ANK2: variants seen among roughly 807,000 people sequenced by gnomAD.
ANK2 encodes ankyrin-2.
In ANK2, 83 loss-of-function variants were observed where a neutral mutation model predicts 360.5. The observed-to-expected ratio is 0.23, with a 90% CI of 0.19 to 0.28. The LOEUF is 0.28. Among genes scored for constraint, ANK2 ranks in the 10% least tolerant of loss-of-function variants. The pLI, the probability that ANK2 is intolerant of heterozygous loss-of-function variation, is 1.00. For synonymous variants in ANK2, 1,740 were observed against 1,759.5 expected, an observed-to-expected ratio of 0.99 and a Z score of 0.28; for missense variants, 4,201 against 4,795.7, an observed-to-expected ratio of 0.88 and a Z score of 3.66.
At chr4:113,262,392 A>AATTTATTT (rs1361288094) in intron 13 of ANK2, among the ~76,000 whole-genome samples, 10 of 151,926 alleles carry the variant, frequency 6.6e-5, no homozygotes, top group African/African-American at 2.4e-4. Context: ...ATGCCTGGCT[A>AATTTATTT]ATTTATTTAT....
intron 2 of ANK2, among the ~76,000 whole-genome samples, chr4:113,177,671 C>A (rs556957260): frequency 1.3e-5 from 2 of 152,246 alleles, no homozygotes; most frequent in South Asian, 4.2e-4. Context: ...TATTTATAGA[C>A]CATCTTAGCT....
chr4:112,826,064 T>C (rs1277758313), intron 1 of ANK2, among the ~76,000 whole-genome samples: 1 of 152,202 alleles, frequency 6.6e-6, no homozygotes, highest in East Asian at 1.9e-4. Context: ...AAGTGCCATA[T>C]TTTGGGGTAG....
At chr4:112,885,496 CAA>C (rs11429383) in intron 1 of ANK2, among the ~76,000 whole-genome samples, 24 of 122,980 alleles carry the variant, frequency 2.0e-4, no homozygotes, top group Non-Finnish European at 2.4e-4. Context: ...AAGACTCCAT[CAA>C]AAAAAAAAAA....
At chr4:112,891,463 G>A (rs757276650) in intron 1 of ANK2, among the ~76,000 whole-genome samples, 2 of 152,022 alleles carry the variant, frequency 1.3e-5, no homozygotes, top group East Asian at 1.9e-4. Context: ...AATTATGCAC[G>A]GAGAAAGCAA....
intron 18 of ANK2, among the ~76,000 whole-genome samples, chr4:113,284,243 C>T (rs2063520431): frequency 1.3e-5 from 2 of 152,150 alleles, no homozygotes. Context: ...GACGTCATGT[C>T]ATTCAGGTGG....
intron 2 of ANK2, among the ~76,000 whole-genome samples, chr4:112,931,439 T>TC (rs1005202325): frequency 7.0e-6 from 1 of 142,720 alleles, no homozygotes. Context: ...TTTTCTTTTT[T>TC]TTTTTTTTTT....
chr4:113,230,684 G>GT (rs1223342240), intron 4 of ANK2, among the ~76,000 whole-genome samples: 1 of 152,140 alleles, frequency 6.6e-6, no homozygotes, highest in Non-Finnish European at 1.5e-5. Flanking sequence ...GGTTTTGTAG[G>GT]TTTTTTCCTT....
At chr4:113,156,376 T>TTTTTTTTTTTTTG (rs1277048467) in intron 1 of ANK2, among the ~76,000 whole-genome samples, 1 of 145,866 alleles carries the variant, frequency 6.9e-6, no homozygotes, top group African/African-American at 2.6e-5. Flanking sequence ...AAATTCTTTT[T>TTTTTTTTTTTTTG]TTTTTGTTTT....
intron 2 of ANK2, among the ~76,000 whole-genome samples, chr4:113,040,359 G>A (rs1000487242): frequency 6.6e-6 from 1 of 152,098 alleles, no homozygotes; most frequent in Non-Finnish European, 1.5e-5. Context: ...AAAATTGTAT[G>A]TTATGATTTC....
chr4:112,751,216 A>G, the ANK2 span, among the ~76,000 whole-genome samples: 1 of 152,176 alleles, frequency 6.6e-6, no homozygotes, highest in Non-Finnish European at 1.5e-5. Context: ...GCAGTGTAAA[A>G]GGTGACCAGG....
chr4:113,106,257 T>G (rs2093617934), intron 1 of ANK2, among the ~76,000 whole-genome samples: 1 of 152,178 alleles, frequency 6.6e-6, no homozygotes, highest in African/African-American at 2.4e-5. Flanking sequence ...TTTAATATCT[T>G]TCATCCAGCA....
intron 1 of ANK2, among the ~76,000 whole-genome samples, chr4:113,052,164 T>C (rs569609879): frequency 6.6e-6 from 1 of 152,338 alleles, no homozygotes; most frequent in East Asian, 1.9e-4. Context: ...AACTTACATT[T>C]TCATATTTAA....
the ANK2 span, among the ~76,000 whole-genome samples, chr4:112,737,640 G>T: frequency 1.3e-5 from 2 of 152,218 alleles, no homozygotes; most frequent in African/African-American, 2.4e-5. Context: ...AGTTGGTGGA[G>T]TTTGATGGGA....
At chr4:112,714,570 A>G in the ANK2 span, among the ~76,000 whole-genome samples, 9 of 152,266 alleles carry the variant, frequency 5.9e-5, no homozygotes, top group Non-Finnish European at 8.8e-5. Flanking sequence ...GCTGTTTATG[A>G]AAGTGAACTG....
At chr4:113,345,172 G>A (rs894282315) in intron 34 of ANK2, among the ~76,000 whole-genome samples, 5 of 152,052 alleles carry the variant, frequency 3.3e-5, no homozygotes, top group East Asian at 1.9e-4. Context: ...AAAACATTAC[G>A]CTGAGTAAAA....
At chr4:113,091,209 T>C (rs1218222911) in intron 1 of ANK2, among the ~76,000 whole-genome samples, 1 of 152,224 alleles carries the variant, frequency 6.6e-6, no homozygotes, top group African/African-American at 2.4e-5. Flanking sequence ...TTATCAGTCA[T>C]TTTTAGCATC....
chr4:113,148,013 T>C (rs537553590), intron 1 of ANK2, among the ~76,000 whole-genome samples: 33 of 152,212 alleles, frequency 2.2e-4, no homozygotes, highest in African/African-American at 3.1e-4. Flanking sequence ...CCAAGTTCAC[T>C]TGTGAAAGAA....
At chr4:113,281,309 GGGCAGATCGCTT>G (rs1203068918) in intron 17 of ANK2, among the ~76,000 whole-genome samples, 1 of 152,114 alleles carries the variant, frequency 6.6e-6, no homozygotes, top group African/African-American at 2.4e-5. Flanking sequence ...GGGCCAAGGT[GGGCAGATCGCTT>G]GAGCTCATGA....
At chr4:113,245,082 A>G (rs548681234) in intron 9 of ANK2, among the ~76,000 whole-genome samples, 38 of 152,228 alleles carry the variant, frequency 2.5e-4, no homozygotes, top group African/African-American at 8.7e-4. Flanking sequence ...CTTTTTTAGC[A>G]CTAAACTTTC....
Sources: gnomAD v4.1 joint callset for allele counts (sites outside exome capture counted in the v4.1 genomes callset) on GRCh38, gnomAD v4.1.1 for gene constraint, MANE v1.5 for transcripts, NCBI Gene and HGNC (gene_info 2026-07-23, HGNC 2026-07-21) for gene names.